Variants in SV2C observed in about 807,000 individuals in gnomAD.
SV2C encodes synaptic vesicle glycoprotein 2C.
A neutral mutation model predicts 79.7 loss-of-function variants in SV2C; 49 were observed. The ratio of observed to expected loss-of-function variants is 0.61; its 90% CI spans 0.49 to 0.78. The LOEUF is 0.78. Among genes scored for constraint, SV2C ranks in the 30% least tolerant of loss-of-function variants. The pLI, the probability that SV2C is intolerant of heterozygous loss-of-function variation, is 0.00. For missense variants in SV2C, 833 were observed against 912.9 expected (o/e 0.91, Z 1.13); for synonymous variants, 334 against 333.2 (o/e 1.00, Z -0.03).
intron 3 of SV2C, among the ~76,000 whole-genome samples, chr5:76,204,049 G>A (rs1242263702): frequency 1.3e-5 from 2 of 152,098 alleles, no homozygotes; most frequent in Non-Finnish European, 2.9e-5. Flanking sequence ...AGAGTGTTAG[G>A]TGTGTGCTCT....
Position 76,329,970 on chromosome 5 carries a change from C to T in SV2C, c.*4423C>T, listed in dbSNP as rs987464871. On this transcript the variant is annotated 3_prime_UTR_variant, in exon 13 of 13. Coordinates refer to ENST00000502798, the MANE Select transcript of SV2C (RefSeq NM_014979.4). ...ACCAGTATTGCAACAACTTCTGAAA[C>T]TCTGAAGTGGACTATATGTTTCTCA... 2 of 151,798 alleles carry T rather than the reference C, an allele frequency of 1.3e-5. No homozygotes were observed. Among genetic ancestry groups the T allele is most frequent in the Non-Finnish European group, 1.5e-5 (1 of 68,002 alleles). The allele number at this position is 151,798 out of a possible 1,614,324, so 9.4% of individuals were successfully genotyped here.
chr5:76,098,014 A>G (rs1406751580), intron 1 of SV2C, among the ~76,000 whole-genome samples: 1 of 152,102 alleles, frequency 6.6e-6, no homozygotes, highest in African/African-American at 2.4e-5. Flanking sequence ...GAAGGTCCTG[A>G]GTTTTTTACT....
chr5:76,248,978 G>C (rs1746031139), intron 4 of SV2C, among the ~76,000 whole-genome samples: 2 of 152,188 alleles, frequency 1.3e-5, no homozygotes, highest in South Asian at 4.1e-4. Context: ...CCTGTGTTGA[G>C]AGAAAAGGGT....
chr5:76,177,555 AC>A lies in SV2C; in HGVS notation c.581-17363del. On this transcript the variant is annotated intron_variant, in intron 2 of 12. Transcript: ENST00000502798. Reference sequence around the variant, plus strand: ...TATGGTATTTCTGTCTCTCAAAATAACTTAATATTTTCAGACCATGGTTGGC... The same window carrying A: ...TATGGTATTTCTGTCTCTCAAAATAATTAATATTTTCAGACCATGGTTGGC... 1.3e-5 allele frequency among the ~76,000 whole-genome samples: 2 copies of A among 152,322 alleles called. 1 individual carries two copies.
intron 2 of SV2C, among the ~76,000 whole-genome samples, chr5:76,181,692 A>G (rs1400602914): frequency 6.6e-6 from 1 of 152,130 alleles, no homozygotes; most frequent in African/African-American, 2.4e-5. Flanking sequence ...GGGCTAAACC[A>G]TTAGAAACCA....
At chr5:76,259,850 A>G (rs1746406558) in intron 4 of SV2C, among the ~76,000 whole-genome samples, 1 of 152,112 alleles carries the variant, frequency 6.6e-6, no homozygotes, top group Non-Finnish European at 1.5e-5. Flanking sequence ...TCTATCATTG[A>G]TGGGCATTGG....
At chr5:76,032,337 G>T in the SV2C span, among the ~76,000 whole-genome samples, 1 of 151,946 alleles carries the variant, frequency 6.6e-6, no homozygotes, top group Non-Finnish European at 1.5e-5. Context: ...ATGCTGGTGC[G>T]CTGCACCCAC....
At chr5:76,042,973 A>C in the SV2C span, among the ~76,000 whole-genome samples, 1 of 152,226 alleles carries the variant, frequency 6.6e-6, no homozygotes, top group Non-Finnish European at 1.5e-5. Flanking sequence ...GGTTTGGCCA[A>C]TAGAATAGTG....
At chr5:75,904,728 G>A in the SV2C span, among the ~76,000 whole-genome samples, 7 of 152,160 alleles carry the variant, frequency 4.6e-5, no homozygotes, top group African/African-American at 1.4e-4. Flanking sequence ...CCTAACTCTA[G>A]ATAAACGTAG....
At chr5:76,050,706 C>T in the SV2C span, among the ~76,000 whole-genome samples, 260 of 152,292 alleles carry the variant, frequency 1.7e-3, 7 homozygotes, top group East Asian at 0.049. Flanking sequence ...GTTCATAAGC[C>T]TCTACTTGTG....
chr5:75,998,951 A>G, the SV2C span, among the ~76,000 whole-genome samples: 9 of 152,100 alleles, frequency 5.9e-5, no homozygotes, highest in Non-Finnish European at 1.3e-4. Flanking sequence ...TCAATTTACA[A>G]AAGAAAGAGT....
the SV2C span, among the ~76,000 whole-genome samples, chr5:75,976,983 C>A: frequency 1.3e-5 from 2 of 152,112 alleles, no homozygotes; most frequent in African/African-American, 4.8e-5. Context: ...AATCTTATAG[C>A]TGTTCCAGAC....
chr5:76,024,822 A>G, the SV2C span, among the ~76,000 whole-genome samples: 2 of 152,150 alleles, frequency 1.3e-5, no homozygotes, highest in South Asian at 2.1e-4. Context: ...TAATCTGGGA[A>G]TAGCGTATTT....
chr5:76,101,646 C>G (rs1747745819), intron 1 of SV2C, among the ~76,000 whole-genome samples: 1 of 152,144 alleles, frequency 6.6e-6, no homozygotes, highest in African/African-American at 2.4e-5. Flanking sequence ...ATGTCAGGGA[C>G]AGTGACTGCT....
At chr5:76,010,754 C>A in the SV2C span, among the ~76,000 whole-genome samples, 1 of 152,084 alleles carries the variant, frequency 6.6e-6, no homozygotes, top group African/African-American at 2.4e-5. Flanking sequence ...AGGGTCCAGG[C>A]AGTATGTATT....
At chr5:76,045,404 T>C in the SV2C span, among the ~76,000 whole-genome samples, 2 of 152,180 alleles carry the variant, frequency 1.3e-5, no homozygotes, top group African/African-American at 4.8e-5. Context: ...GAGCTCTTTT[T>C]GGGTTTCATA....
intron 4 of SV2C, among the ~76,000 whole-genome samples, chr5:76,237,385 A>T (rs1271151122): frequency 6.6e-6 from 1 of 152,134 alleles, no homozygotes; most frequent in Non-Finnish European, 1.5e-5. Context: ...CAACATAATG[A>T]AATGTATTGG....
intron 8 of SV2C, among the ~76,000 whole-genome samples, chr5:76,292,277 T>G (rs1747595621): frequency 6.6e-6 from 1 of 152,156 alleles, no homozygotes. Context: ...TCTTCAACTC[T>G]TTCCTCAGAT....
At chr5:75,906,172 G>T in the SV2C span, among the ~76,000 whole-genome samples, 2 of 152,038 alleles carry the variant, frequency 1.3e-5, no homozygotes, top group African/African-American at 4.8e-5. Flanking sequence ...ACCAAAAAAG[G>T]CTTCTCTCAG....
Sources: gnomAD v4.1 joint callset for allele counts (sites outside exome capture counted in the v4.1 genomes callset) on GRCh38, gnomAD v4.1.1 for gene constraint, MANE v1.5 for transcripts, NCBI Gene and HGNC (gene_info 2026-07-23, HGNC 2026-07-21) for gene names.